SDK1: variants seen among roughly 807,000 people sequenced by gnomAD.
SDK1 encodes the protein sidekick cell adhesion molecule 1, also known as protein sidekick-1.
In SDK1, 157 loss-of-function variants were observed where a neutral mutation model predicts 245.5. The observed-to-expected ratio is 0.64, with a 90% CI of 0.56 to 0.73. SDK1 has a LOEUF of 0.73. SDK1 is among the 30% of genes least tolerant of loss of function. The pLI is 0.00. For synonymous variants in SDK1, 1,647 were observed against 1,278.5 expected, an observed-to-expected ratio of 1.29 and a Z score of -6.15; for missense variants, 3,583 against 3,002.3, an observed-to-expected ratio of 1.19 and a Z score of -4.52.
chr7:3,803,985 C>T (rs1439710832), intron 4 of SDK1, among the ~76,000 whole-genome samples: 1 of 152,020 alleles, frequency 6.6e-6, no homozygotes, highest in African/African-American at 2.4e-5. Context: ...AGGATGGTCT[C>T]GATCTCCTGA....
chr7:3,899,215 A>G (rs1338576409), intron 5 of SDK1, among the ~76,000 whole-genome samples: 1 of 152,182 alleles, frequency 6.6e-6, no homozygotes, highest in Non-Finnish European at 1.5e-5. Flanking sequence ...TGCTCTTCTT[A>G]ATATATGAGT....
At chr7:3,440,776 C>G (rs886379385) in intron 1 of SDK1, among the ~76,000 whole-genome samples, 3 of 152,114 alleles carry the variant, frequency 2.0e-5, no homozygotes, top group African/African-American at 7.2e-5. Flanking sequence ...TTATGCTGGT[C>G]TTGCTGTTGC....
chr7:3,973,238 T>C (rs560987326), intron 12 of SDK1, among the ~76,000 whole-genome samples: 150 of 152,302 alleles, frequency 9.8e-4, no homozygotes, highest in African/African-American at 3.4e-3. Context: ...CTCCCTCTTG[T>C]GGAATCAGCC....
At chr7:3,727,360 G>A (rs754289666) in intron 4 of SDK1, among the ~76,000 whole-genome samples, 1 of 152,158 alleles carries the variant, frequency 6.6e-6, no homozygotes, top group Non-Finnish European at 1.5e-5. Flanking sequence ...TCTGTATTCT[G>A]GAGAGAAAGT....
At chr7:3,760,326 A>G (rs1162252046) in intron 4 of SDK1, among the ~76,000 whole-genome samples, 14 of 152,200 alleles carry the variant, frequency 9.2e-5, no homozygotes, top group Non-Finnish European at 1.5e-5. Flanking sequence ...TACCAACCAC[A>G]GCAATGTGCA....
At position 3,454,086 on chromosome 7, in the gene SDK1, C is replaced by T. The variant is rs1275634452; in HGVS notation, c.298+152202C>T. Among the ~76,000 whole-genome samples the T allele has an allele frequency of 1.3e-5, 2 of 152,040 alleles. 1 individual carries two copies. On this transcript the variant is annotated intron_variant, in intron 1 of 44. Transcript: ENST00000404826. ...TAACTTTTTTGTTATAACTTATTTC[C>T]TATTCACAGTACATCACCAGCTGCT...
intron 1 of SDK1, among the ~76,000 whole-genome samples, chr7:3,444,155 T>C (rs1389966637): frequency 6.6e-6 from 1 of 152,200 alleles, no homozygotes; most frequent in Non-Finnish European, 1.5e-5. Context: ...ATTCTGTCCT[T>C]ATTTATAAGA....
chr7:4,265,401 C>A lies in SDK1; in HGVS notation c.*17C>A. ...TTCGTGTGAGCAAAGCGCCGCGCCT[C>A]CCTCAGGGCGGAACGGAGGCAACTT... On this transcript the variant is annotated 3_prime_UTR_variant, in exon 45 of 45. Transcript: ENST00000404826. The A allele has an allele frequency of 1.4e-6, 2 of 1,419,596 alleles. No homozygotes were observed. Among genetic ancestry groups the A allele is most frequent in the Non-Finnish European group, 1.8e-6 (2 of 1,096,728 alleles). The allele number at this position is 1,419,596 out of a possible 1,614,324, so 87.9% of individuals were successfully genotyped here.
chr7:3,508,748 G>A (rs1249500946), intron 1 of SDK1, among the ~76,000 whole-genome samples: 1 of 152,170 alleles, frequency 6.6e-6, no homozygotes, highest in Non-Finnish European at 1.5e-5. Context: ...TATTGAAATT[G>A]CCTTGTAGTG....
intron 1 of SDK1, among the ~76,000 whole-genome samples, chr7:3,558,475 A>G (rs1779655629): frequency 6.6e-6 from 1 of 152,202 alleles, no homozygotes; most frequent in East Asian, 1.9e-4. Context: ...CATAGAGAAG[A>G]TTAGAATTAG....
At chr7:3,973,506 T>A (rs1245442912) in intron 12 of SDK1, among the ~76,000 whole-genome samples, 1 of 152,156 alleles carries the variant, frequency 6.6e-6, no homozygotes, top group Non-Finnish European at 1.5e-5. Context: ...AAATGAGAAA[T>A]AAATGCAATT....
intron 4 of SDK1, among the ~76,000 whole-genome samples, chr7:3,747,668 C>T (rs1779663799): frequency 6.6e-6 from 1 of 151,596 alleles, no homozygotes; most frequent in Non-Finnish European, 1.5e-5. Flanking sequence ...TAGCTGAGGG[C>T]CTGTAACTAG....
intron 2 of SDK1, among the ~76,000 whole-genome samples, chr7:3,627,135 C>T (rs1399337184): frequency 6.6e-6 from 1 of 152,052 alleles, no homozygotes; most frequent in African/African-American, 2.4e-5. Context: ...CACTATGTTG[C>T]CGAGGCTCGT....
intron 4 of SDK1, among the ~76,000 whole-genome samples, chr7:3,651,523 A>G (rs1783014049): frequency 6.6e-6 from 1 of 152,172 alleles, no homozygotes; most frequent in South Asian, 2.1e-4. Flanking sequence ...AACACAGAGG[A>G]AAAAATATGG....
intron 22 of SDK1, among the ~76,000 whole-genome samples, chr7:4,092,223 C>A (rs796321537): frequency 4.3e-4 from 65 of 152,300 alleles, no homozygotes; most frequent in African/African-American, 1.4e-3. Context: ...CAAGCTTGAG[C>A]AACTTTACGA....
At chr7:3,390,652 G>A (rs185862847) in intron 1 of SDK1, among the ~76,000 whole-genome samples, 1 of 152,258 alleles carries the variant, frequency 6.6e-6, no homozygotes, top group East Asian at 1.9e-4. Flanking sequence ...TAGGGAGAGT[G>A]CCATGTGCAG....
chr7:4,055,260 G>T (rs1779123939), intron 19 of SDK1, among the ~76,000 whole-genome samples: 1 of 152,246 alleles, frequency 6.6e-6, no homozygotes, highest in East Asian at 1.9e-4. Flanking sequence ...TAATATAAAT[G>T]CAATTTATAA....
intron 1 of SDK1, among the ~76,000 whole-genome samples, chr7:3,493,783 G>A (rs145868960): frequency 6.6e-6 from 1 of 152,220 alleles, no homozygotes; most frequent in East Asian, 1.9e-4. Flanking sequence ...TATGACTTAT[G>A]GAACATTGGA....
intron 4 of SDK1, among the ~76,000 whole-genome samples, chr7:3,656,893 G>A (rs2568521): frequency 0.3 from 45,220 of 151,826 alleles, 7,120 homozygotes; most frequent in East Asian, 0.37. Flanking sequence ...GACTACAGGC[G>A]CCGGCCACCG....
Sources: gnomAD v4.1 joint callset for allele counts (sites outside exome capture counted in the v4.1 genomes callset) on GRCh38, gnomAD v4.1.1 for gene constraint, MANE v1.5 for transcripts, NCBI Gene and HGNC (gene_info 2026-07-23, HGNC 2026-07-21) for gene names.